KCNT1: variants seen among roughly 807,000 people sequenced by gnomAD.
KCNT1 encodes the protein potassium sodium-activated channel subfamily T member 1, also known as potassium channel subfamily T member 1.
KCNT1 carries 78 observed loss-of-function variants against 147.8 expected under a neutral mutation model. The observed-to-expected ratio is 0.53, with a 90% CI of 0.44 to 0.64. The LOEUF (loss-of-function observed/expected upper bound fraction) is 0.64. Among genes scored for constraint, KCNT1 ranks in the 30% least tolerant of loss-of-function variants. The probability of loss-of-function intolerance (pLI) is 0.00; values close to 1 mark genes in which losing one functional copy is unlikely to be tolerated. For synonymous variants in KCNT1, 867 were observed against 748.8 expected, an observed-to-expected ratio of 1.16 and a Z score of -2.58; for missense variants, 1,419 against 1,750.3, an observed-to-expected ratio of 0.81 and a Z score of 3.38.
At chr9:135,786,807 G>T (rs895591788) in intron 29 of KCNT1, among the ~76,000 whole-genome samples, 4 of 152,236 alleles carry the variant, frequency 2.6e-5, no homozygotes, top group African/African-American at 9.6e-5. Context: ...TGTGAGCCCC[G>T]TAGGGAGGTG....
chr9:135,737,683 G>C (rs1313094644), intron 2 of KCNT1, among the ~76,000 whole-genome samples: 2 of 152,090 alleles, frequency 1.3e-5, no homozygotes, highest in Non-Finnish European at 2.9e-5. Flanking sequence ...CATCAGGGCT[G>C]GGGGGCAGGG....
chr9:135,775,626 C>G (rs1374035261), intron 20 of KCNT1, among the ~76,000 whole-genome samples: 1 of 152,240 alleles, frequency 6.6e-6, no homozygotes, highest in Non-Finnish European at 1.5e-5. Context: ...CTCCCTCTCA[C>G]AGTGTCTATG....
chr9:135,715,763 T>C (rs913269094), intron 2 of KCNT1, among the ~76,000 whole-genome samples: 5 of 152,176 alleles, frequency 3.3e-5, no homozygotes, highest in Non-Finnish European at 7.3e-5. Flanking sequence ...ATGAGGACCA[T>C]GAAGATTTGT....
At chr9:135,718,703 G>T (rs1346789629) in intron 2 of KCNT1, among the ~76,000 whole-genome samples, 1 of 152,204 alleles carries the variant, frequency 6.6e-6, no homozygotes, top group Non-Finnish European at 1.5e-5. Flanking sequence ...CCTGGGGCAG[G>T]CTCTGTGAGG....
Position 135,759,859 on chromosome 9 carries a change from G to T in KCNT1, c.1035G>T (p.Gln345His). The T allele has an allele frequency of 6.2e-7, 1 of 1,600,006 alleles. No individual in the cohort carries two copies. Among genetic ancestry groups the T allele is most frequent in the South Asian group, 1.1e-5 (1 of 89,030 alleles). The change falls in exon 11 of 31, where the codon CAG (glutamine) becomes CAT (histidine). Residue 345 changes from glutamine (Q) to histidine (H), a missense_variant and splice_region_variant. By Grantham distance (24) the Gln-to-His change is conservative. Coordinates refer to ENST00000371757, the MANE Select transcript of KCNT1 (RefSeq NM_020822.3). ...TGGCCCTCGTGGTGCTCCCACTGCA[G>T]GTGGGTCCTCTGGGCACCAGCCCTG... Reference protein sequence around the residue: ...ICVALVVLPLQFEELVYLWME... With the variant: ...ICVALVVLPLHFEELVYLWME...
chr9:135,710,980 G>A (rs935267352), intron 1 of KCNT1, among the ~76,000 whole-genome samples: 48 of 152,128 alleles, frequency 3.2e-4, no homozygotes, highest in African/African-American at 9.4e-4. Context: ...GCTTTCTCCC[G>A]GTGGCTCTCT....
chr9:135,792,248 G>A lies in KCNT1; in HGVS notation c.*87G>A, dbSNP rs1009538117. The A allele has an allele frequency of 2.2e-5, 32 of 1,467,488 alleles. No individual in the cohort carries two copies. The highest frequency in any genetic ancestry group is 4.8e-5 in the East Asian group (2 of 41,256). 90.9% of individuals were successfully genotyped at this position (1,467,488 alleles called of 1,614,324 possible). On this transcript the variant is annotated 3_prime_UTR_variant, in exon 31 of 31. Transcript: ENST00000371757. The stretch of plus-strand genomic sequence containing the variant: ...CGTGTGAGGACACGGTGGCACTAGC[G>A]TGACCCTGGGGATGGCACACTCTAC...
intron 1 of KCNT1, among the ~76,000 whole-genome samples, chr9:135,708,786 C>G (rs1405264571): frequency 2.0e-5 from 3 of 152,218 alleles, no homozygotes; most frequent in Non-Finnish European, 4.4e-5. Context: ...CTCAAGTGAT[C>G]TGCCTACCTC....
At chr9:135,712,540 C>T (rs1835544530) in intron 1 of KCNT1, among the ~76,000 whole-genome samples, 1 of 152,078 alleles carries the variant, frequency 6.6e-6, no homozygotes, top group Non-Finnish European at 1.5e-5. Flanking sequence ...ACCAGACCCC[C>T]CAACACTCCC....
At chr9:135,704,288 A>G (rs73667689) in intron 1 of KCNT1, among the ~76,000 whole-genome samples, 2,850 of 152,142 alleles carry the variant, frequency 0.019, 103 homozygotes, top group East Asian at 0.14. Flanking sequence ...CCTTGGTGCT[A>G]TGGTTCAGAG....
chr9:135,717,667 C>A (rs1471782578), intron 2 of KCNT1, among the ~76,000 whole-genome samples: 2 of 152,180 alleles, frequency 1.3e-5, no homozygotes, highest in African/African-American at 4.8e-5. Flanking sequence ...GGACTCAGGC[C>A]CTCCTGAGAA....
chr9:135,774,654 GGTGT>G (rs574908148), intron 19 of KCNT1, among the ~76,000 whole-genome samples: 58 of 152,154 alleles, frequency 3.8e-4, no homozygotes, highest in African/African-American at 1.3e-3. Flanking sequence ...CTGGGTGTGT[GGTGT>G]GTATGTTATG....
intron 2 of KCNT1, among the ~76,000 whole-genome samples, chr9:135,732,078 G>T (rs1830128190): frequency 7.0e-6 from 1 of 141,900 alleles, no homozygotes; most frequent in Admixed American, 7.3e-5. Flanking sequence ...GAGTGCAGTG[G>T]CATGATATTT....
rs945869943 is a variant in KCNT1 at position 135,772,843 on chromosome 9, G to A, written c.2137G>A (p.Val713Ile). 12 of 1,542,524 alleles carry A rather than the reference G, an allele frequency of 7.8e-6. No homozygotes were observed. The highest frequency in any genetic ancestry group is 2.0e-5 in the Admixed American group (1 of 49,956). The change falls in exon 19 of 31, where the codon GTC (valine) becomes ATC (isoleucine). Residue 713 changes from valine to isoleucine, a missense_variant. This residue lies in a region of KCNT1 where 284 missense variants were observed against 292.8 expected (regional missense o/e 0.97). Transcript: ENST00000371757. ...CAGCCGGCGGCCCAGCATCGCGCCC[G>A]TCCTGGAACTGGCCGACAGCTCAGC... ...SGSRRPSIAP[V>I]LELADSSALL...
chr9:135,776,742 C>G (rs570193071), intron 20 of KCNT1, among the ~76,000 whole-genome samples: 5 of 152,206 alleles, frequency 3.3e-5, no homozygotes, highest in Non-Finnish European at 7.3e-5. Context: ...CTTGACAGAT[C>G]GTTATTGATT....
At chr9:135,735,903 C>G (rs1049036520) in intron 2 of KCNT1, among the ~76,000 whole-genome samples, 1 of 152,164 alleles carries the variant, frequency 6.6e-6, no homozygotes, top group South Asian at 2.1e-4. Flanking sequence ...GTCACCTGGG[C>G]GAGTCACCTG....
At chr9:135,755,090 C>T (rs769848921) in intron 5 of KCNT1, 31 bp from the exon 6 acceptor site, 1 of 1,588,636 alleles carries the variant, frequency 6.3e-7, no homozygotes, top group Non-Finnish European at 8.6e-7. Flanking sequence ...GGCTGTGGTG[C>T]CCTACTGTGC....
At chr9:135,757,024 C>T in intron 7 of KCNT1, 92 bp downstream of exon 7, 1 of 1,066,686 alleles carries the variant, frequency 9.4e-7, no homozygotes, top group Non-Finnish European at 1.4e-6. Context: ...TCTCCTATTT[C>T]CCCACACTTC....
At chr9:135,778,192 T>A (rs1243993787) in intron 21 of KCNT1, among the ~76,000 whole-genome samples, 1 of 152,156 alleles carries the variant, frequency 6.6e-6, no homozygotes, top group Non-Finnish European at 1.5e-5. Flanking sequence ...GAGCCCAGGG[T>A]CATCTTGGCT....
Sources: allele counts gnomAD v4.1 joint callset (sites outside exome capture counted in the v4.1 genomes callset), GRCh38; gene constraint gnomAD v4.1.1; regional missense constraint gnomAD v4.1.1; transcripts MANE v1.5; gene names NCBI Gene and HGNC (gene_info 2026-07-23, HGNC 2026-07-21).